Variants in GALM observed in about 807,000 individuals in gnomAD.
The protein encoded by GALM is galactose mutarotase, also known as aldose 1-epimerase.
A neutral mutation model predicts 37.4 loss-of-function variants in GALM; 43 were observed. The ratio of observed to expected loss-of-function variants is 1.15; its 90% CI spans 0.90 to 1.48. GALM has a LOEUF of 1.48. Ranked by LOEUF, GALM falls within the 40% of genes most tolerant of loss-of-function variation. The pLI is 0.00. For missense variants in GALM, 456 were observed against 419.1 expected (o/e 1.09, Z -0.77); for synonymous variants, 199 against 170.6 (o/e 1.17, Z -1.30).
At chr2:38,691,927 T>C (rs1009578950) in intron 4 of GALM, among the ~76,000 whole-genome samples, 2 of 152,282 alleles carry the variant, frequency 1.3e-5, no homozygotes, top group East Asian at 1.9e-4. Context: ...TAGCAGATTA[T>C]CCAAACGTAT....
chr2:38,678,474 T>G lies in GALM; in HGVS notation c.345+2408T>G, dbSNP rs2148428192. ...ATCATATTGGTTTACACAAAAATCT[T>G]TCCATTGTGTCCTTTCTCTACAAAA... On this transcript the variant is annotated intron_variant, in intron 2 of 6. Transcript: ENST00000272252. Among the ~76,000 whole-genome samples, 3 of 152,324 alleles carry G rather than the reference T, an allele frequency of 2.0e-5. No homozygotes were observed. In the Middle Eastern group the frequency reaches 0.01, roughly 518 times the overall value.
intron 4 of GALM, among the ~76,000 whole-genome samples, chr2:38,691,876 A>T (rs1665682053): frequency 6.6e-6 from 1 of 152,182 alleles, no homozygotes; most frequent in South Asian, 2.1e-4. Context: ...TTTAAAAAAT[A>T]ATATGGTACC....
intron 5 of GALM, 44 bp from the exon 6 acceptor site, chr2:38,731,691 C>T (rs1666612987): frequency 1.3e-6 from 2 of 1,530,106 alleles, no homozygotes; most frequent in Non-Finnish European, 1.8e-6. Context: ...TCCTCCCCAC[C>T]TGCTTTTCTG....
chr2:38,683,545 G>C, intron 3 of GALM, among the ~76,000 whole-genome samples: 1 of 140,780 alleles, frequency 7.1e-6, no homozygotes, highest in Admixed American at 6.7e-5. Context: ...CTCAGATTTT[G>C]GAGCATTTCA....
chr2:38,674,861 C>T (rs902898428), intron 1 of GALM, among the ~76,000 whole-genome samples: 6 of 152,074 alleles, frequency 3.9e-5, no homozygotes, highest in African/African-American at 1.4e-4. Flanking sequence ...TAGGTGCATA[C>T]AGTACAATAA....
At chr2:38,711,746 T>C (rs377596162) in intron 4 of GALM, among the ~76,000 whole-genome samples, 1 of 103,474 alleles carries the variant, frequency 9.7e-6, no homozygotes, top group Non-Finnish European at 2.1e-5. Flanking sequence ...ATCATTAACA[T>C]CACCATCACT....
At chr2:38,682,010 T>C (rs1044266041) in intron 3 of GALM, among the ~76,000 whole-genome samples, 1 of 152,242 alleles carries the variant, frequency 6.6e-6, no homozygotes, top group African/African-American at 2.4e-5. Flanking sequence ...ACCTGGTTTT[T>C]TTAGCTTAAT....
chr2:38,721,530 T>C (rs190570571), intron 4 of GALM, among the ~76,000 whole-genome samples: 32 of 152,280 alleles, frequency 2.1e-4, no homozygotes, highest in African/African-American at 7.7e-4. Context: ...TGCTTCTTTT[T>C]TGAGACGAGC....
At chr2:38,730,890 C>T (rs1666594366) in intron 5 of GALM, among the ~76,000 whole-genome samples, 1 of 147,800 alleles carries the variant, frequency 6.8e-6, no homozygotes, top group Non-Finnish European at 1.5e-5. Flanking sequence ...CACTGCACTC[C>T]AGGCTAGGCA....
At position 38,733,599 on chromosome 2, in the gene GALM, G is replaced by A; in HGVS notation, c.*34G>A. The A allele has an allele frequency of 6.7e-7, 1 of 1,494,088 alleles. No homozygotes were observed. The highest frequency in any genetic ancestry group is 1.4e-5 in the African/African-American group (1 of 72,414). 92.6% of individuals were successfully genotyped at this position (1,494,088 alleles called of 1,614,324 possible). The stretch of plus-strand genomic sequence containing the variant: ...GAAGATATGATCCAGTCCAGGGCTA[G>A]GCTCAGCCACCTGTCTCCTGTCCAG... On this transcript the variant is annotated 3_prime_UTR_variant, in exon 7 of 7. Transcript: ENST00000272252.
intron 1 of GALM, chr2:38,668,058 A>G (rs760586905): frequency 6.6e-6 from 1 of 152,170 alleles, no homozygotes; most frequent in Non-Finnish European, 1.5e-5. Context: ...ATATTTCTAC[A>G]TGGCTGTCCA....
At chr2:38,713,904 CAA>C (rs33924000) in intron 4 of GALM, among the ~76,000 whole-genome samples, 15,439 of 137,858 alleles carry the variant, frequency 0.11, 908 homozygotes, top group East Asian at 0.32. Flanking sequence ...GACCCTGCTT[CAA>C]AAAAAAAAAA....
intron 3 of GALM, among the ~76,000 whole-genome samples, chr2:38,685,976 C>A (rs1007387187): frequency 6.6e-6 from 1 of 151,964 alleles, no homozygotes; most frequent in African/African-American, 2.4e-5. Flanking sequence ...GCCTCCCAAA[C>A]TTCTGGGATT....
At chr2:38,698,524 A>G (rs1013757516) in intron 4 of GALM, 14 of 653,798 alleles carry the variant, frequency 2.1e-5, no homozygotes, top group South Asian at 1.8e-5. Context: ...AAAAAAAAAA[A>G]AAGGAAAAAA....
chr2:38,709,434 C>T (rs768778348), intron 4 of GALM, among the ~76,000 whole-genome samples: 5 of 152,084 alleles, frequency 3.3e-5, no homozygotes, highest in Non-Finnish European at 7.4e-5. Flanking sequence ...TGCCTTTTCA[C>T]CTGAAAACGA....
At chr2:38,701,757 A>C (rs2148443212) in intron 4 of GALM, among the ~76,000 whole-genome samples, 1 of 152,334 alleles carries the variant, frequency 6.6e-6, no homozygotes, top group Non-Finnish European at 1.5e-5. Flanking sequence ...GAGAAATAGC[A>C]AAGTCCAAAG....
chr2:38,725,912 A>G (rs1666476525), intron 4 of GALM, among the ~76,000 whole-genome samples: 2 of 151,878 alleles, frequency 1.3e-5, no homozygotes, highest in Non-Finnish European at 2.9e-5. Flanking sequence ...GGGTTTCGCC[A>G]TGTTGCCCAG....
chr2:38,718,558 T>G (rs1266100736), intron 4 of GALM, among the ~76,000 whole-genome samples: 1 of 151,890 alleles, frequency 6.6e-6, no homozygotes, highest in Non-Finnish European at 1.5e-5. Context: ...CCTACTCATT[T>G]CCCAAATTTT....
At chr2:38,674,221 C>G (rs1408483530) in intron 1 of GALM, among the ~76,000 whole-genome samples, 3 of 146,422 alleles carry the variant, frequency 2.0e-5, no homozygotes, top group African/African-American at 7.6e-5. Context: ...GAGACAGTCT[C>G]GCTCTGTCGC....
Sources: allele counts gnomAD v4.1 joint callset (sites outside exome capture counted in the v4.1 genomes callset), GRCh38; gene constraint gnomAD v4.1.1; transcripts MANE v1.5; gene names NCBI Gene and HGNC (gene_info 2026-07-23, HGNC 2026-07-21).